SSBP3: variants seen among roughly 807,000 people sequenced by gnomAD.
SSBP3 encodes single-stranded DNA-binding protein 3.
SSBP3 carries 5 observed loss-of-function variants against 69.6 expected under a neutral mutation model. The ratio of observed to expected loss-of-function variants is 0.07; its 90% confidence interval spans 0.04 to 0.15. SSBP3 has a LOEUF of 0.15. Among genes scored for constraint, SSBP3 ranks in the 10% least tolerant of loss-of-function variants. SSBP3 has a pLI of 1.00. For missense variants in SSBP3, 312 were observed against 534.0 expected (o/e 0.58, Z 4.10); for synonymous variants, 196 against 193.4 (o/e 1.01, Z -0.11).
intron 4 of SSBP3, among the ~76,000 whole-genome samples, chr1:54,340,345 T>G (rs1026298260): frequency 2.0e-5 from 3 of 152,200 alleles, no homozygotes; most frequent in African/African-American, 7.2e-5. Flanking sequence ...AACCCACCAA[T>G]GTGGTGTTTG....
At chr1:54,230,483 G>T (rs1309507154) in intron 14 of SSBP3, among the ~76,000 whole-genome samples, 2 of 152,056 alleles carry the variant, frequency 1.3e-5, no homozygotes, top group African/African-American at 4.8e-5. Flanking sequence ...TCTTCAAAAT[G>T]ACATATTATT....
In SSBP3 at chr1:54,339,301, T is replaced by C. The variant is rs764436944; in HGVS notation, c.277-57774A>G. Among the ~76,000 whole-genome samples the C allele has an allele frequency of 7.2e-5, 11 of 152,240 alleles. No individual in the cohort carries two copies. In the South Asian group the frequency reaches 8.3e-4, roughly 11 times the overall value. ...AAGAGAAAGCACTTATTGAGGATAA[T>C]TGATGCTGGACAGATAGCAGATTCT... is the stretch of plus-strand genomic sequence containing the variant. On this transcript the variant is annotated intron_variant, in intron 4 of 17. Coordinates refer to ENST00000610401, the Ensembl canonical transcript of SSBP3.
intron 5 of SSBP3, among the ~76,000 whole-genome samples, chr1:54,260,523 C>T (rs1010071509): frequency 6.6e-6 from 1 of 152,236 alleles, no homozygotes; most frequent in African/African-American, 2.4e-5. Flanking sequence ...GACCAGTGCT[C>T]CAACCGGGGT....
intron 4 of SSBP3, among the ~76,000 whole-genome samples, chr1:54,359,719 G>A (rs1646922303): frequency 6.6e-6 from 1 of 152,130 alleles, no homozygotes; most frequent in Non-Finnish European, 1.5e-5. Context: ...CAATGTTTAG[G>A]GCACTTCCGT....
At chr1:54,238,484 C>T (rs1003984633) in intron 14 of SSBP3, 27 of 374,716 alleles carry the variant, frequency 7.2e-5, no homozygotes, top group African/African-American at 1.7e-4. Context: ...GCCCCGACCT[C>T]GGGCAACGCC....
In SSBP3 at chr1:54,334,351, C is replaced by CAATAAATA. The variant is rs35538469; in HGVS notation, c.277-52832_277-52825dup. Among the ~76,000 whole-genome samples, 573 of 150,524 alleles carry CAATAAATA rather than the reference C, an allele frequency of 3.8e-3. 7 individuals are homozygous for CAATAAATA. The highest frequency in any genetic ancestry group is 0.013 in the African/African-American group (524 of 40,462). On this transcript the variant is annotated intron_variant, in intron 4 of 17. Transcript: ENST00000610401. ...TGGGCAACAGAGCAAGACTCCCTCT[C>CAATAAATA]AATAAATAAATAAATAAATAAATTT...
At chr1:54,260,242 G>C (rs1020375314) in intron 5 of SSBP3, among the ~76,000 whole-genome samples, 1 of 152,254 alleles carries the variant, frequency 6.6e-6, no homozygotes, top group East Asian at 1.9e-4. Flanking sequence ...GTAAGGTCCA[G>C]TTGCCAAGAG....
rs370709758 is a variant in SSBP3, at chr1:54,331,129, C to T, written c.277-49602G>A. The stretch of plus-strand genomic sequence containing the variant: ...GTGTATGCCACATAAACATATGCCC[C>T]GATATAATAACCTCCGCATGTAACG... On this transcript the variant is annotated intron_variant, in intron 4 of 17. Coordinates refer to ENST00000610401, the Ensembl canonical transcript of SSBP3. Among the ~76,000 whole-genome samples, 163 of 152,234 alleles carry T rather than the reference C, an allele frequency of 1.1e-3. 4 individuals are homozygous for T. In the South Asian group the frequency reaches 0.027, roughly 25 times the overall value.
chr1:54,314,090 G>A (rs759662727), intron 4 of SSBP3, among the ~76,000 whole-genome samples: 14 of 152,170 alleles, frequency 9.2e-5, no homozygotes, highest in Non-Finnish European at 2.1e-4. Flanking sequence ...GATCTATGAG[G>A]TATCAGAGTG....
rs2100712638 is a variant in SSBP3 at position 54,251,863 on chromosome 1, G to A, written c.508-3C>T. 3 of 1,611,244 alleles carry A rather than the reference G, an allele frequency of 1.9e-6. No individual in the cohort carries two copies. Among genetic ancestry groups the A allele is most frequent in the Non-Finnish European group, 2.5e-6 (3 of 1,179,522 alleles). ...GTCCCAGGAACTCCTCCCGGAGGCT[G>A]AAAGAGATGCAAGACACAAGCTGAG... On this transcript the variant is annotated splice_polypyrimidine_tract_variant and splice_region_variant and intron_variant, in intron 7 of 17. Transcript: ENST00000610401.
At chr1:54,271,135 G>C (rs1045849271) in intron 5 of SSBP3, among the ~76,000 whole-genome samples, 1 of 152,186 alleles carries the variant, frequency 6.6e-6, no homozygotes, top group African/African-American at 2.4e-5. Context: ...TTCTGAGACA[G>C]GGTCTTGCTC....
At chr1:54,294,152 AAAAAAAAAAAGAAAGAAAGAAAG>A (rs1380150479) in intron 4 of SSBP3, among the ~76,000 whole-genome samples, 3 of 100,568 alleles carry the variant, frequency 3.0e-5, no homozygotes, top group African/African-American at 1.0e-4. Flanking sequence ...CAAAAAAAAA[AAAAAAAAAAAGAAAGAAAGAAAG>A]AAAGAAAGAA....
chr1:54,317,598 A>C (rs1035589472), intron 4 of SSBP3, among the ~76,000 whole-genome samples: 2 of 152,160 alleles, frequency 1.3e-5, no homozygotes, highest in East Asian at 3.9e-4. Context: ...CCACAAAAAA[A>C]TGTGTAGACC....
chr1:54,243,988 A>T, intron 9 of SSBP3, among the ~76,000 whole-genome samples: 1 of 152,136 alleles, frequency 6.6e-6, no homozygotes, highest in Non-Finnish European at 1.5e-5. Flanking sequence ...AGAGTGCAGT[A>T]GTGCAATCAT....
chr1:54,225,436 GAA>G, exon 18 of SSBP3: 1 of 1,227,600 alleles, frequency 8.1e-7, no homozygotes, highest in Admixed American at 4.2e-5. Context: ...AAGGGCTGCG[GAA>G]AAAAGATGTC....
At chr1:54,280,983 GTTT>G (rs1365745383) in intron 5 of SSBP3, among the ~76,000 whole-genome samples, 2 of 152,148 alleles carry the variant, frequency 1.3e-5, no homozygotes, top group African/African-American at 2.4e-5. Context: ...GGGTTTTTGT[GTTT>G]TTTTAAGATT....
At chr1:54,316,557 C>T (rs1400789318) in intron 4 of SSBP3, among the ~76,000 whole-genome samples, 5 of 143,976 alleles carry the variant, frequency 3.5e-5, no homozygotes, top group Admixed American at 7.0e-5. Context: ...AGGAGAATGG[C>T]GTGAACCCGG....
intron 4 of SSBP3, among the ~76,000 whole-genome samples, chr1:54,370,558 C>T (rs1029200831): frequency 3.9e-5 from 6 of 152,172 alleles, no homozygotes; most frequent in South Asian, 2.1e-4. Flanking sequence ...TCATCATATA[C>T]TGGACACGTG....
rs1422331194 is a variant in SSBP3 at position 54,404,949 on chromosome 1, G to A, written c.57-19C>T. 2.5e-6 allele frequency: 4 copies of A among 1,608,588 alleles called. No homozygotes were observed. The highest frequency in any genetic ancestry group is 3.4e-6 in the Non-Finnish European group (4 of 1,177,038). On this transcript the variant is annotated intron_variant, in intron 1 of 17. Transcript: ENST00000610401. ...AGCTAACCTGGAAAGTGGACAGGGGGCAAAGAGAGAGAGGGAAAGGCGTCA... is the reference window on the plus strand; with the variant it reads ...AGCTAACCTGGAAAGTGGACAGGGGACAAAGAGAGAGAGGGAAAGGCGTCA...
Sources: gnomAD v4.1 joint callset for allele counts (sites outside exome capture counted in the v4.1 genomes callset) on GRCh38, gnomAD v4.1.1 for gene constraint, MANE v1.5 for transcripts, NCBI Gene and HGNC (gene_info 2026-07-23, HGNC 2026-07-21) for gene names.